Variants in TIMM9 observed in about 807,000 individuals in gnomAD.
TIMM9 encodes mitochondrial import inner membrane translocase subunit Tim9.
A neutral mutation model predicts 13.4 loss-of-function variants in TIMM9; 10 were observed. The ratio of observed to expected loss-of-function variants is 0.75; its 90% CI spans 0.46 to 1.26. TIMM9 has a LOEUF of 1.26. TIMM9 is among the 50% of genes most tolerant of loss of function. The pLI is 0.00. For synonymous variants in TIMM9, 32 were observed against 32.1 expected (o/e 1.00, Z 0.01); for missense variants, 87 against 100.8 (o/e 0.86, Z 0.58).
At chr14:58,418,710 A>C (rs970671677) in intron 3 of TIMM9, among the ~76,000 whole-genome samples, 4 of 152,148 alleles carry the variant, frequency 2.6e-5, no homozygotes, top group Non-Finnish European at 4.4e-5. Flanking sequence ...ACAATTACTC[A>C]AAGAAAAAAA....
At chr14:58,409,668 T>C (rs1401702932) in intron 5 of TIMM9, among the ~76,000 whole-genome samples, 1 of 152,142 alleles carries the variant, frequency 6.6e-6, no homozygotes, top group African/African-American at 2.4e-5. Flanking sequence ...AAGCTCCGCC[T>C]CCTGAGTTCA....
chr14:58,416,928 T>G (rs1352309388), intron 3 of TIMM9, among the ~76,000 whole-genome samples: 1 of 152,072 alleles, frequency 6.6e-6, no homozygotes, highest in African/African-American at 2.4e-5. Context: ...GGTGATATGG[T>G]TTGGCTATGT....
chr14:58,409,083 T>G lies in TIMM9; in HGVS notation c.221A>C (p.Gln74Pro). 1 of 1,614,082 alleles carries G rather than the reference T, an allele frequency of 6.2e-7. No homozygotes were observed. The highest frequency in any genetic ancestry group is 8.5e-7 in the Non-Finnish European group (1 of 1,179,988). The change falls in exon 6 of 6, where the codon CAG becomes CCG. Residue 74 changes from glutamine (Q) to proline (P), a missense_variant. Gln to Pro is a moderately conservative substitution (Grantham distance 76). Transcript: ENST00000395159. ...SMRFQEYHIQ[Q>P]NEALAAKAGL... ...TGCTTTGGCTGCCAGGGCTTCATTC[T>G]GCTGAATATGATATTCCTGAAATCT...
Position 58,427,395 on chromosome 14 carries a change from A to T in TIMM9, c.-307T>A. 2 of 513,930 alleles carry T rather than the reference A, an allele frequency of 3.9e-6. No homozygotes were observed. The highest frequency in any genetic ancestry group is 6.9e-6 in the Non-Finnish European group (2 of 288,372). 31.8% of individuals were successfully genotyped at this position (513,930 alleles called of 1,614,324 possible). On this transcript the variant is annotated 5_prime_UTR_variant, in exon 1 of 6. Coordinates refer to ENST00000395159, the MANE Select transcript of TIMM9 (RefSeq NM_012460.4). ...ACTTCTTGGAAGCCTAATTTACCTA[A>T]TCCCACGTCCCTAACGGTCTTCGGA...
At chr14:58,424,819 A>G (rs1223235169) in intron 2 of TIMM9, among the ~76,000 whole-genome samples, 1 of 152,120 alleles carries the variant, frequency 6.6e-6, no homozygotes, top group African/African-American at 2.4e-5. Context: ...GTGAGCCATG[A>G]TCACGCCACT....
intron 3 of TIMM9, among the ~76,000 whole-genome samples, chr14:58,419,290 C>A (rs147469944): frequency 2.6e-5 from 4 of 152,030 alleles, no homozygotes; most frequent in East Asian, 3.9e-4. Context: ...CTTGTCTGTA[C>A]AAATAATTAA....
chr14:58,420,164 CA>C (rs1174527162), intron 3 of TIMM9, among the ~76,000 whole-genome samples: 2 of 151,820 alleles, frequency 1.3e-5, no homozygotes, highest in African/African-American at 4.8e-5. Flanking sequence ...TATTTGACAT[CA>C]AAAACACTAT....
chr14:58,423,375 G>C (rs1043918345), intron 3 of TIMM9, among the ~76,000 whole-genome samples: 1 of 151,458 alleles, frequency 6.6e-6, no homozygotes, highest in African/African-American at 2.4e-5. Context: ...AAAATTAGCC[G>C]GGCATGGTGG....
chr14:58,427,521 T>G lies in TIMM9; in HGVS notation c.-433A>C, dbSNP rs2036915333. The G allele has an allele frequency of 6.9e-7, 1 of 1,455,636 alleles. No homozygotes were observed. Among genetic ancestry groups the G allele is most frequent in the Non-Finnish European group, 9.3e-7 (1 of 1,076,144 alleles). The allele number at this position is 1,455,636 out of a possible 1,614,324, so 90.2% of individuals were successfully genotyped here. On this transcript the variant is annotated 5_prime_UTR_variant, in exon 1 of 6. Transcript: ENST00000395159. Reference sequence around the variant, plus strand: ...ACTGTAGAGCGGTCTTGTGCGGCAATGTGCTACCTTAAAATAAATAAATAA... The same window carrying G: ...ACTGTAGAGCGGTCTTGTGCGGCAAGGTGCTACCTTAAAATAAATAAATAA...
At chr14:58,418,044 C>T (rs2036471290) in intron 3 of TIMM9, among the ~76,000 whole-genome samples, 1 of 151,756 alleles carries the variant, frequency 6.6e-6, no homozygotes, top group Admixed American at 6.6e-5. Context: ...TAAAAATATC[C>T]CTCATGAAAG....
chr14:58,414,365 C>T (rs1258904952), intron 3 of TIMM9, among the ~76,000 whole-genome samples: 2 of 152,104 alleles, frequency 1.3e-5, no homozygotes, highest in East Asian at 1.9e-4. Context: ...TTTTGATTAA[C>T]ACATACAATC....
intron 3 of TIMM9, among the ~76,000 whole-genome samples, chr14:58,415,897 G>C (rs187532530): frequency 6.6e-6 from 1 of 151,894 alleles, no homozygotes; most frequent in Non-Finnish European, 1.5e-5. Context: ...AACCTACATC[G>C]ACACATAATA....
Position 58,425,099 on chromosome 14 carries a change from TGA to T in TIMM9, c.-114-1006_-114-1005del, listed in dbSNP as rs1424237270. ...AGTGTCAGTCATAAAGAAAAGGGGT[TGA>T]GAGGGCTGATTTAGAGTGAGAAAAT... On this transcript the variant is annotated intron_variant, in intron 2 of 5. Transcript: ENST00000395159. 3.3e-5 allele frequency among the ~76,000 whole-genome samples: 5 copies of T among 152,070 alleles called. No homozygotes were observed. The Middle Eastern group carries it at 0.01, about 310-fold the overall frequency.
At position 58,409,091 on chromosome 14, in the gene TIMM9, A is replaced by G. The variant is rs2036123857; in HGVS notation, c.213T>C (p.His71=). 6.2e-6 allele frequency: 10 copies of G among 1,613,936 alleles called. No homozygotes were observed. In the South Asian group the frequency reaches 7.7e-5, roughly 12 times the overall value. Residue 71 remains histidine, a synonymous_variant, in exon 6 of 6, where the codon CAT becomes CAC. Transcript: ENST00000395159. The part of the protein sequence containing the change: ...QRISMRFQEY[H]IQQNEALAAK... ...CTGCCAGGGCTTCATTCTGCTGAAT[A>G]TGATATTCCTGAAATCTCATGGATA...
intron 2 of TIMM9, among the ~76,000 whole-genome samples, chr14:58,426,166 T>A (rs1411718898): frequency 6.6e-6 from 1 of 151,678 alleles, no homozygotes; most frequent in Non-Finnish European, 1.5e-5. Flanking sequence ...TACAAAAAAA[T>A]AATAATTAAA....
chr14:58,413,618 G>A (rs1402115920), intron 3 of TIMM9, among the ~76,000 whole-genome samples: 1 of 152,138 alleles, frequency 6.6e-6, no homozygotes, highest in East Asian at 1.9e-4. Context: ...GTAGGACTTA[G>A]GTTCAGTTAA....
At chr14:58,418,204 T>C (rs1008102565) in intron 3 of TIMM9, among the ~76,000 whole-genome samples, 4 of 152,096 alleles carry the variant, frequency 2.6e-5, no homozygotes, top group Admixed American at 2.0e-4. Context: ...CACATATTAA[T>C]AGACTGAAGA....
chr14:58,416,489 T>C (rs1286994004), intron 3 of TIMM9, among the ~76,000 whole-genome samples: 2 of 152,174 alleles, frequency 1.3e-5, no homozygotes, highest in African/African-American at 4.8e-5. Flanking sequence ...TTCTCAAATG[T>C]AGGAAAACTA....
rs539763999 is a variant in TIMM9, at chr14:58,413,999, T to G, written c.-26-2028A>C. 5.2e-5 allele frequency among the ~76,000 whole-genome samples: 4 copies of G among 76,304 alleles called. No individual in the cohort carries two copies. The South Asian group carries it at 1.6e-3, about 30-fold the overall frequency. 50.1% of individuals were successfully genotyped at this position (76,304 alleles called of 152,430 possible). A position where few individuals can be genotyped will look rare whatever the true frequency, so the allele number is the denominator to read the frequency against. On this transcript the variant is annotated intron_variant, in intron 3 of 5. Transcript: ENST00000395159. ...TCCGGCCTGGGTGACAGAGTGAGATTCCGTCTCAGAAAAAAAAAAAAAAAA... is the reference window on the plus strand; with the variant it reads ...TCCGGCCTGGGTGACAGAGTGAGATGCCGTCTCAGAAAAAAAAAAAAAAAA...
Sources: allele counts gnomAD v4.1 joint callset (sites outside exome capture counted in the v4.1 genomes callset), GRCh38; gene constraint gnomAD v4.1.1; transcripts MANE v1.5; gene names NCBI Gene and HGNC (gene_info 2026-07-23, HGNC 2026-07-21).